The following USP49 variants were observed in gnomAD, a reference collection of about 807,000 sequenced individuals.
USP49 encodes the protein ubiquitin carboxyl-terminal hydrolase 49.
USP49 carries 24 observed loss-of-function variants against 58.6 expected under a neutral mutation model. The observed-to-expected ratio is 0.41, with a 90% confidence interval of 0.30 to 0.58. The LOEUF (loss-of-function observed/expected upper bound fraction) is 0.58. Among genes scored for constraint, USP49 ranks in the 20% least tolerant of loss-of-function variants. USP49 has a pLI of 0.30. For synonymous variants in USP49, 408 were observed against 365.1 expected, an observed-to-expected ratio of 1.12 and a Z score of -1.34; for missense variants, 703 against 866.1, an observed-to-expected ratio of 0.81 and a Z score of 2.36.
intron 7 of USP49, among the ~76,000 whole-genome samples, chr6:41,796,945 A>ATTTT (rs5875772): frequency 9.3e-6 from 1 of 107,764 alleles, no homozygotes; most frequent in Non-Finnish European, 1.9e-5. Flanking sequence ...ACTGACTGCA[A>ATTTT]TTTTTTTTTT....
At chr6:41,880,586 A>G (rs75536723) in intron 2 of USP49, among the ~76,000 whole-genome samples, 2 of 152,366 alleles carry the variant, frequency 1.3e-5, no homozygotes, top group East Asian at 3.9e-4. Context: ...CTAGAAGCCA[A>G]TAGAGTGATG....
At chr6:41,869,674 C>T (rs1305012334) in intron 3 of USP49, 1 of 147,858 alleles carries the variant, frequency 6.8e-6, no homozygotes, top group African/African-American at 2.5e-5. Context: ...TGCACCACTG[C>T]ACACCAATCT....
intron 3 of USP49, among the ~76,000 whole-genome samples, chr6:41,862,400 T>C (rs1382046217): frequency 1.3e-5 from 2 of 152,342 alleles, no homozygotes; most frequent in East Asian, 3.9e-4. Context: ...ATTTTGTTTG[T>C]ACATCTTTAG....
Position 41,806,950 on chromosome 6 carries a change from G to A in USP49, c.34C>T (p.Leu12Phe), listed in dbSNP as rs892499499. 3 of 1,607,332 alleles carry A rather than the reference G, an allele frequency of 1.9e-6. No individual in the cohort carries two copies. Among genetic ancestry groups the A allele is most frequent in the Non-Finnish European group, 2.6e-6 (3 of 1,175,432 alleles). The change falls in exon 4 of 8, where the codon CTC becomes TTC. Residue 12 changes from leucine (L) to phenylalanine (F), a missense_variant. Transcript: ENST00000682992. This position sits in a 1 kb window ranked among gnomAD's most constrained non-coding sequence, Gnocchi z 5.9. ...DRCKHVGRLR[L>F]AQDHSILNPQ... Reference sequence around the variant, plus strand: ...TTCAGGATGGAGTGGTCCTGGGCGAGCCGTAACCGCCCTACATGTTTGCAT... The same window carrying A: ...TTCAGGATGGAGTGGTCCTGGGCGAACCGTAACCGCCCTACATGTTTGCAT...
chr6:41,891,207 C>A (rs1405228410), intron 2 of USP49, among the ~76,000 whole-genome samples: 1 of 152,208 alleles, frequency 6.6e-6, no homozygotes, highest in Non-Finnish European at 1.5e-5. Context: ...GAGGCAAAAC[C>A]AGAGCACAGA....
At chr6:41,826,313 A>G (rs949650028) in intron 3 of USP49, among the ~76,000 whole-genome samples, 1 of 149,414 alleles carries the variant, frequency 6.7e-6, no homozygotes, top group Non-Finnish European at 1.5e-5. Context: ...CTTTGAAGGA[A>G]CTATGAATAA....
chr6:41,836,141 C>A (rs1277244931), intron 3 of USP49, among the ~76,000 whole-genome samples: 1 of 151,964 alleles, frequency 6.6e-6, no homozygotes, highest in Admixed American at 6.6e-5. Flanking sequence ...GTAGAGTAAG[C>A]TGGAAGGGAG....
chr6:41,816,079 G>A (rs562418647), intron 3 of USP49, among the ~76,000 whole-genome samples: 3 of 152,266 alleles, frequency 2.0e-5, no homozygotes, highest in African/African-American at 4.8e-5. Context: ...CATACCCTCC[G>A]TACCTTCATC....
chr6:41,882,138 C>T (rs1449826584), intron 2 of USP49, among the ~76,000 whole-genome samples: 2 of 151,520 alleles, frequency 1.3e-5, no homozygotes, highest in Non-Finnish European at 2.9e-5. Context: ...CAGTAATAAA[C>T]ATGATATGGT....
intron 6 of USP49, 98 bp from the exon 7 acceptor site, chr6:41,799,027 CCTT>C (rs888362062): frequency 9.6e-6 from 14 of 1,463,782 alleles, no homozygotes; most frequent in African/African-American, 1.4e-5. Context: ...GAAAATTTAA[CCTT>C]CTGGTTTTGG....
chr6:41,890,968 A>G (rs1774801678), intron 2 of USP49, among the ~76,000 whole-genome samples: 1 of 152,234 alleles, frequency 6.6e-6, no homozygotes. Flanking sequence ...TGTTTTGTAA[A>G]TACAATTTTG....
At chr6:41,879,395 A>G (rs899342005) in intron 2 of USP49, among the ~76,000 whole-genome samples, 1 of 149,056 alleles carries the variant, frequency 6.7e-6, no homozygotes, top group Non-Finnish European at 1.5e-5. Flanking sequence ...CACCTGGTTA[A>G]TTTTTTTTTT....
rs781750759 is a variant in USP49 at position 41,806,370 on chromosome 6, G to A, written c.614C>T (p.Pro205Leu). The change falls in exon 4 of 8, where the codon CCG becomes CTG. Residue 205 changes from proline (P) to leucine (L), a missense_variant. Transcript: ENST00000682992. The surrounding 1 kb of genome is among the most constrained non-coding windows in gnomAD (Gnocchi z 5.9). ...CAGGAGCAGCCGTGCACTCTTGCGC[G>A]GAGGGGTGCTGGCCAGCTCCTCCAG... ...RLLEELASTP[P>L]RKSARLLLHT... The A allele has an allele frequency of 1.8e-5, 28 of 1,537,838 alleles. No individual in the cohort carries two copies. Among genetic ancestry groups the A allele is most frequent in the Non-Finnish European group, 2.3e-5 (26 of 1,152,982 alleles).
intron 5 of USP49, among the ~76,000 whole-genome samples, chr6:41,802,448 A>ATT (rs1363216201): frequency 2.6e-4 from 14 of 53,332 alleles, no homozygotes; most frequent in African/African-American, 3.0e-4. Context: ...TTATTTATTT[A>ATT]TTTATTTATT....
intron 2 of USP49, among the ~76,000 whole-genome samples, chr6:41,874,497 G>A (rs1774467949): frequency 6.6e-6 from 1 of 152,166 alleles, no homozygotes; most frequent in Non-Finnish European, 1.5e-5. Flanking sequence ...TTTAATGTGT[G>A]CCAGAAATGC....
intron 7 of USP49, among the ~76,000 whole-genome samples, chr6:41,797,308 C>T (rs1772904165): frequency 6.6e-6 from 1 of 152,136 alleles, no homozygotes; most frequent in Non-Finnish European, 1.5e-5. Flanking sequence ...TTTCATTGTC[C>T]ACTAGGGCCT....
intron 2 of USP49, among the ~76,000 whole-genome samples, chr6:41,891,224 T>C (rs1037197914): frequency 2.6e-5 from 4 of 152,214 alleles, no homozygotes; most frequent in Non-Finnish European, 5.9e-5. Flanking sequence ...CAGACTCTGC[T>C]GGCAAAATGC....
intron 3 of USP49, among the ~76,000 whole-genome samples, chr6:41,852,131 G>C (rs1774042020): frequency 6.6e-6 from 1 of 151,980 alleles, no homozygotes; most frequent in South Asian, 2.1e-4. Context: ...TTCGAGACTA[G>C]CCTGACCAAC....
chr6:41,886,525 C>G (rs990956700), intron 2 of USP49: 8 of 152,140 alleles, frequency 5.3e-5, no homozygotes, highest in African/African-American at 1.7e-4. Flanking sequence ...ACCTTATTGT[C>G]CTGATAAGTT....
Sources: allele counts gnomAD v4.1 joint callset (sites outside exome capture counted in the v4.1 genomes callset), GRCh38; gene constraint gnomAD v4.1.1; non-coding constraint Gnocchi (gnomAD v3.1); transcripts MANE v1.5; gene names NCBI Gene and HGNC (gene_info 2026-07-23, HGNC 2026-07-21).